Variants in GALNT14 observed in about 807,000 individuals in gnomAD.
GALNT14 encodes polypeptide N-acetylgalactosaminyltransferase 14, also known as UDP-GalNAc:polypeptide N-acetylgalactosaminyltransferase 14.
Under a neutral mutation model 77.5 loss-of-function variants are expected in GALNT14, and 60 were observed. The ratio of observed to expected loss-of-function variants is 0.77; its 90% CI spans 0.63 to 0.96. The LOEUF is 0.96. Ranked by LOEUF, GALNT14 falls within the 40% of genes least tolerant of loss-of-function variation. GALNT14 has a pLI of 0.00. For synonymous variants in GALNT14, 280 were observed against 281.7 expected, an observed-to-expected ratio of 0.99 and a Z score of 0.06; for missense variants, 710 against 731.0, an observed-to-expected ratio of 0.97 and a Z score of 0.33.
chr2:31,137,413 C>T (rs1679272280), intron 1 of GALNT14, among the ~76,000 whole-genome samples: 1 of 152,240 alleles, frequency 6.6e-6, no homozygotes, highest in African/African-American at 2.4e-5. Context: ...ACTTCCAATG[C>T]AGCTGAGAGG....
intron 2 of GALNT14, among the ~76,000 whole-genome samples, chr2:30,990,501 G>A (rs766130073): frequency 2.0e-5 from 3 of 152,228 alleles, no homozygotes; most frequent in African/African-American, 7.2e-5. Context: ...TCCTATAGAC[G>A]GAAGGGCCCA....
chr2:30,992,177 C>G (rs1050692374), intron 2 of GALNT14, among the ~76,000 whole-genome samples: 1 of 152,102 alleles, frequency 6.6e-6, no homozygotes, highest in Non-Finnish European at 1.5e-5. Flanking sequence ...TATAAAGGGT[C>G]GGTCGTGAGG....
At position 31,076,105 on chromosome 2, in the gene GALNT14, G is replaced by A. The variant is rs1403058142; in HGVS notation, c.129+61853C>T. On this transcript the variant is annotated intron_variant, in intron 1 of 14. Coordinates refer to ENST00000349752, the MANE Select transcript of GALNT14 (RefSeq NM_024572.4). ...TGGAAACCACTGTGTATAGATAACA[G>A]CTGGAAGAACTGGAGAAAAGAGTTG... is the stretch of plus-strand genomic sequence containing the variant. Among the ~76,000 whole-genome samples the A allele has an allele frequency of 1.3e-5, 2 of 152,204 alleles. 1 individual carries two copies. The highest frequency in any genetic ancestry group is 2.9e-5 in the Non-Finnish European group (2 of 68,048).
intron 1 of GALNT14, among the ~76,000 whole-genome samples, chr2:31,122,198 C>T (rs1678446877): frequency 6.6e-6 from 1 of 152,104 alleles, no homozygotes; most frequent in Non-Finnish European, 1.5e-5. Context: ...ACAGGGGGCT[C>T]CGGGTACCAC....
intron 1 of GALNT14, among the ~76,000 whole-genome samples, chr2:31,041,178 C>A (rs1437348499): frequency 1.3e-5 from 2 of 152,116 alleles, no homozygotes. Context: ...GCACTCACTG[C>A]AGATGCTAGA....
chr2:31,010,413 C>A (rs1484057225), intron 1 of GALNT14, among the ~76,000 whole-genome samples: 2 of 152,190 alleles, frequency 1.3e-5, no homozygotes, highest in Non-Finnish European at 2.9e-5. Context: ...TCCTGGCTAA[C>A]ACGGTAAAAC....
intron 1 of GALNT14, among the ~76,000 whole-genome samples, chr2:31,009,899 A>G (rs1320391916): frequency 6.6e-6 from 1 of 152,062 alleles, no homozygotes; most frequent in Non-Finnish European, 1.5e-5. Flanking sequence ...TCCTTTTCCC[A>G]TCTCTACAAC....
chr2:30,918,099 G>A (rs1303526178), intron 13 of GALNT14, among the ~76,000 whole-genome samples: 1 of 152,190 alleles, frequency 6.6e-6, no homozygotes, highest in Non-Finnish European at 1.5e-5. Flanking sequence ...TGACCTGGTG[G>A]GCTCCTAGAC....
chr2:31,082,574 T>C (rs1273393357), intron 1 of GALNT14, among the ~76,000 whole-genome samples: 1 of 152,188 alleles, frequency 6.6e-6, no homozygotes, highest in Non-Finnish European at 1.5e-5. Context: ...GTTGATCAGG[T>C]GAACTAACTA....
In GALNT14 at chr2:31,045,005, A is replaced by G. The variant is rs6746878; in HGVS notation, c.130-51998T>C. 1.1e-4 allele frequency among the ~76,000 whole-genome samples: 16 copies of G among 151,858 alleles called. No individual in the cohort carries two copies. The South Asian group carries it at 3.1e-3, about 30-fold the overall frequency. The stretch of plus-strand genomic sequence containing the variant: ...TCACAGGAAAGCACTGTCTGGGAAA[A>G]CTTCAGAAAAGACTTCAAGAGGGGA... On this transcript the variant is annotated intron_variant, in intron 1 of 14. Transcript: ENST00000349752.
chr2:30,948,957 G>T (rs1167320428), intron 6 of GALNT14, among the ~76,000 whole-genome samples: 1 of 152,178 alleles, frequency 6.6e-6, no homozygotes, highest in Non-Finnish European at 1.5e-5. Context: ...GCTGCAACAG[G>T]CTCTGGTGCA....
chr2:30,887,636 A>T, the GALNT14 span, among the ~76,000 whole-genome samples: 1 of 152,230 alleles, frequency 6.6e-6, no homozygotes, highest in Non-Finnish European at 1.5e-5. Context: ...CTCCAGAGAT[A>T]CGATTTGCAA....
intron 1 of GALNT14, among the ~76,000 whole-genome samples, chr2:31,044,252 C>T: frequency 6.6e-6 from 1 of 152,176 alleles, no homozygotes; most frequent in Admixed American, 6.5e-5. Context: ...CACCACTCAT[C>T]TCACCCGGGC....
chr2:30,903,855 G>A, the GALNT14 span, among the ~76,000 whole-genome samples: 1 of 152,176 alleles, frequency 6.6e-6, no homozygotes, highest in Admixed American at 6.5e-5. Flanking sequence ...GAGAAGGTAT[G>A]GGCATATTTT....
chr2:31,082,709 A>G (rs565855043), intron 1 of GALNT14, among the ~76,000 whole-genome samples: 102 of 152,266 alleles, frequency 6.7e-4, no homozygotes, highest in Non-Finnish European at 1.3e-3. Flanking sequence ...TGATGATAAA[A>G]AGGAAGAAAT....
chr2:30,971,523 G>T (rs1668355475), intron 2 of GALNT14, among the ~76,000 whole-genome samples: 1 of 152,120 alleles, frequency 6.6e-6, no homozygotes, highest in South Asian at 2.1e-4. Context: ...CTGACATGCT[G>T]TTTCTTTCTC....
At chr2:30,972,828 T>C (rs1668441013) in intron 2 of GALNT14, among the ~76,000 whole-genome samples, 1 of 152,214 alleles carries the variant, frequency 6.6e-6, no homozygotes, top group South Asian at 2.1e-4. Context: ...CTGCTGCTCC[T>C]GGGTGGTAAC....
At chr2:31,046,729 G>A (rs1673492156) in intron 1 of GALNT14, among the ~76,000 whole-genome samples, 1 of 152,118 alleles carries the variant, frequency 6.6e-6, no homozygotes, top group Non-Finnish European at 1.5e-5. Context: ...CCATAGATAT[G>A]AATTATCAGG....
chr2:31,041,258 A>T (rs902104033), intron 1 of GALNT14, among the ~76,000 whole-genome samples: 1 of 152,322 alleles, frequency 6.6e-6, no homozygotes, highest in South Asian at 2.1e-4. Flanking sequence ...GGTGAGGAAG[A>T]TATGAGAAGG....
Sources: allele counts gnomAD v4.1 joint callset (sites outside exome capture counted in the v4.1 genomes callset), GRCh38; gene constraint gnomAD v4.1.1; transcripts MANE v1.5; gene names NCBI Gene and HGNC (gene_info 2026-07-23, HGNC 2026-07-21).